Variants in MGAM observed in about 807,000 individuals in gnomAD.
The protein encoded by MGAM is maltase-glucoamylase, also known as alpha-1,4-glucosidase.
MGAM carries 253 observed loss-of-function variants against 358.8 expected under a neutral mutation model. That is an observed-to-expected ratio of 0.71 (90% CI 0.64 to 0.78). The LOEUF (loss-of-function observed/expected upper bound fraction) is 0.78. Ranked by LOEUF, MGAM falls within the 30% of genes least tolerant of loss-of-function variation. The probability of loss-of-function intolerance (pLI) is 0.00; values close to 1 mark genes in which losing one functional copy is unlikely to be tolerated. For missense variants in MGAM, 3,080 were observed against 3,432.6 expected (o/e 0.90, Z 2.57); for synonymous variants, 1,105 against 1,227.1 (o/e 0.90, Z 2.08).
At chr7:142,012,248 C>T (rs1229686681) in intron 3 of MGAM, among the ~76,000 whole-genome samples, 5 of 152,076 alleles carry the variant, frequency 3.3e-5, no homozygotes, top group Admixed American at 6.6e-5. Flanking sequence ...AGTAATTTAT[C>T]AAACACAGAA....
At chr7:142,057,599 ATGG>A (rs999442162) in intron 30 of MGAM, among the ~76,000 whole-genome samples, 7 of 118,002 alleles carry the variant, frequency 5.9e-5, no homozygotes, top group African/African-American at 1.7e-4. Flanking sequence ...GATAATGGTA[ATGG>A]TGGTGGGGGC....
At chr7:142,019,995 G>A (rs1806287661) in intron 4 of MGAM, among the ~76,000 whole-genome samples, 1 of 151,996 alleles carries the variant, frequency 6.6e-6, no homozygotes, top group Non-Finnish European at 1.5e-5. Context: ...CCTGAACCCA[G>A]GAGGCAGAGG....
rs572521536 is a variant in MGAM at position 142,103,547 on chromosome 7, G to A, written c.8184+108G>A. 29 of 1,114,944 alleles carry A rather than the reference G, an allele frequency of 2.6e-5. No individual in the cohort carries two copies. The South Asian group carries it at 5.3e-4, about 20-fold the overall frequency. The allele number at this position is 1,114,944 out of a possible 1,614,324, so 69.1% of individuals were successfully genotyped here. A position where few individuals can be genotyped will look rare whatever the true frequency, so the allele number is the denominator to read the frequency against. On this transcript the variant is annotated intron_variant, in intron 70 of 70. Transcript: ENST00000475668. Reference sequence around the variant, plus strand: ...GATGCCCTCTCCTGCCAGGCCCTCCGGGAATCCCTGAGTTTTCCATGTGTT... The same window carrying A: ...GATGCCCTCTCCTGCCAGGCCCTCCAGGAATCCCTGAGTTTTCCATGTGTT...
chr7:142,048,489 T>C, intron 22 of MGAM, among the ~76,000 whole-genome samples: 1 of 53,690 alleles, frequency 1.9e-5, no homozygotes, highest in African/African-American at 3.6e-5. Context: ...TTAGAAGAGA[T>C]GGTTTCAAGA....
rs1008760227 is a variant in MGAM, at chr7:142,088,574, A to G, written c.6810+1857A>G. On this transcript the variant is annotated intron_variant, in intron 57 of 70. Coordinates refer to ENST00000475668, the MANE Select transcript of MGAM (RefSeq NM_001365693.1). ...CCATCCATCCTCTATCTATCTATCTATCATCTACCTCATCTATCTATATCT... is the reference window on the plus strand; with the variant it reads ...CCATCCATCCTCTATCTATCTATCTGTCATCTACCTCATCTATCTATATCT... 1.5e-4 allele frequency among the ~76,000 whole-genome samples: 19 copies of G among 127,234 alleles called. 2 individuals carry two copies. The highest frequency in any genetic ancestry group is 5.4e-4 in the Admixed American group (7 of 12,964). 83.5% of individuals were successfully genotyped at this position (127,234 alleles called of 152,430 possible).
In MGAM at chr7:142,036,919, A is replaced by G; in HGVS notation, c.2173A>G (p.Thr725Ala). 1 of 1,613,062 alleles carries G rather than the reference A, an allele frequency of 6.2e-7. No homozygotes were observed. The highest frequency in any genetic ancestry group is 8.5e-7 in the Non-Finnish European group (1 of 1,179,500). Residue 725 changes from threonine (T) to alanine (A), a missense_variant, in exon 18 of 71, where the codon ACC becomes GCC. Coordinates refer to ENST00000475668, the MANE Select transcript of MGAM (RefSeq NM_001365693.1). ...IRYTLLPYLYTLFFRAHSRGD... is the reference protein window; with the variant it reads ...IRYTLLPYLYALFFRAHSRGD... ...CTATACTCTATTGCCCTACCTATAC[A>G]CCCTCTTCTTCCGTGCTCACAGCCG...
Position 142,040,165 on chromosome 7 carries a change from C to T in MGAM, c.2367C>T (p.Tyr789=), listed in dbSNP as rs371423578. The part of the protein sequence containing the change: ...AYVPDAVWYD[Y]ETGSQVRWRK... ...TGCCTGATGCTGTCTGGTATGACTACGAGACTGTAAGTAGCTTTGACTTTT... is the reference window on the plus strand; with the variant it reads ...TGCCTGATGCTGTCTGGTATGACTATGAGACTGTAAGTAGCTTTGACTTTT... The change falls in exon 20 of 71, where the codon TAC becomes TAT. Residue 789 remains tyrosine (Y), a synonymous_variant. Transcript: ENST00000475668. 3.8e-5 allele frequency: 62 copies of T among 1,611,262 alleles called. No individual in the cohort carries two copies. Among genetic ancestry groups the T allele is most frequent in the Middle Eastern group, 1.6e-4 (1 of 6,080 alleles).
chr7:142,095,674 ACACGGAGGGCGT>A lies in MGAM; in HGVS notation c.7572_7583del (p.Glu2525_Thr2528del). The A allele has an allele frequency of 1.2e-6, 2 of 1,613,986 alleles. No homozygotes were observed. On this transcript the variant is annotated inframe_deletion, in exon 64 of 71. Coordinates refer to ENST00000475668, the MANE Select transcript of MGAM (RefSeq NM_001365693.1). Reference sequence around the variant, plus strand: ...CTGTATACCTTGATGCATAAGGCCCACACGGAGGGCGTCACTGTTGTGCGGCCTCTGCTCCAT... The same window carrying A: ...CTGTATACCTTGATGCATAAGGCCCACACTGTTGTGCGGCCTCTGCTCCAT...
rs543986196 is a variant in MGAM, at chr7:142,091,125, T to G, written c.6811-788T>G. On this transcript the variant is annotated intron_variant, in intron 57 of 70. Transcript: ENST00000475668. ...AGCCAGGTGTAGTGGTGTGTGCCTGTAATCCCAGCTACTCAGGAGGCTGAG... is the reference window on the plus strand; with the variant it reads ...AGCCAGGTGTAGTGGTGTGTGCCTGGAATCCCAGCTACTCAGGAGGCTGAG... 2.8e-5 allele frequency among the ~76,000 whole-genome samples: 4 copies of G among 144,222 alleles called. 1 individual carries two copies. The South Asian group carries it at 9.0e-4, about 32-fold the overall frequency. 94.6% of individuals were successfully genotyped at this position (144,222 alleles called of 152,430 possible).
chr7:142,086,965 C>T lies in MGAM; in HGVS notation c.6810+248C>T, dbSNP rs1225423682. On this transcript the variant is annotated intron_variant, in intron 57 of 70. Coordinates refer to ENST00000475668, the MANE Select transcript of MGAM (RefSeq NM_001365693.1). ...CCAGAGAGCTCAGATGACTTGTCCA[C>T]GGTTTTAGGTGACAGAGTGTTGATT... Among the ~76,000 whole-genome samples the T allele has an allele frequency of 2.0e-5, 2 of 98,528 alleles. 1 individual carries two copies. The highest frequency in any genetic ancestry group is 8.5e-5 in the African/African-American group (2 of 23,642). 64.6% of individuals were successfully genotyped at this position (98,528 alleles called of 152,430 possible). A position where few individuals can be genotyped will look rare whatever the true frequency, so the allele number is the denominator to read the frequency against.
chr7:142,053,313 G>A (rs542085208), intron 26 of MGAM, among the ~76,000 whole-genome samples: 57 of 152,194 alleles, frequency 3.7e-4, no homozygotes, highest in African/African-American at 8.4e-4. Context: ...CAGTGGACCC[G>A]TCTGAGGTTG....
chr7:142,018,429 A>T (rs1806141386), intron 3 of MGAM, among the ~76,000 whole-genome samples: 1 of 152,194 alleles, frequency 6.6e-6, no homozygotes, highest in Non-Finnish European at 1.5e-5. Context: ...TCTTTCTGTG[A>T]TCTAATCTTG....
chr7:142,007,446 T>A (rs1045904456), intron 2 of MGAM, among the ~76,000 whole-genome samples: 20 of 152,064 alleles, frequency 1.3e-4, no homozygotes, highest in Non-Finnish European at 2.5e-4. Flanking sequence ...ACCCCATCCC[T>A]TGTTACAACA....
At chr7:142,052,178 G>A in intron 24 of MGAM, 116 bp from the exon 25 acceptor site, 1 of 859,244 alleles carries the variant, frequency 1.2e-6, no homozygotes, top group East Asian at 2.7e-5. Flanking sequence ...TATGTTGCTT[G>A]GATGTTTGAA....
rs782799067 is a variant in MGAM, at chr7:142,036,305, G to A, written c.2076+20G>A. 1.9e-6 allele frequency: 3 copies of A among 1,558,932 alleles called. No homozygotes were observed. In the Admixed American group the frequency reaches 5.5e-5, roughly 29 times the overall value. On this transcript the variant is annotated intron_variant, in intron 17 of 70. Coordinates refer to ENST00000475668, the MANE Select transcript of MGAM (RefSeq NM_001365693.1). ...TACAAGGTAAGGCTCCTAGGACATA[G>A]AGTCAGAATAAATTTGGCATACATT...
chr7:142,043,069 T>A (rs1298576159), intron 21 of MGAM, among the ~76,000 whole-genome samples: 60 of 73,618 alleles, frequency 8.2e-4, no homozygotes, highest in African/African-American at 3.9e-3. Context: ...TATATACATA[T>A]AATATCTAAA....
rs1554453230 is a variant in MGAM at position 142,008,531 on chromosome 7, C to T, written c.153C>T (p.Thr51=). Residue 51 remains threonine (T), a synonymous_variant, in exon 3 of 71, where the codon ACC becomes ACT. Transcript: ENST00000475668. ...STAPDPGTTG[T]PDPGTTGTPD... is the part of the protein sequence containing the mutation. Reference sequence around the variant, plus strand: ...CCCCAGATCCTGGGACAACTGGTACCCCAGATCCTGGGACAACTGGTACCC... The same window carrying T: ...CCCCAGATCCTGGGACAACTGGTACTCCAGATCCTGGGACAACTGGTACCC... The T allele has an allele frequency of 1.9e-6, 3 of 1,612,316 alleles. No homozygotes were observed. In the African/African-American group the frequency reaches 4.0e-5, roughly 22 times the overall value.
At chr7:142,077,251 T>C (rs111486953) in intron 47 of MGAM, among the ~76,000 whole-genome samples, 1 of 145,432 alleles carries the variant, frequency 6.9e-6, no homozygotes, top group African/African-American at 2.4e-5. Context: ...GCTTTGGAGG[T>C]CTTAGTTACC....
In MGAM at chr7:142,062,626, G is replaced by A. The variant is rs778209488; in HGVS notation, c.4181G>A (p.Trp1394Ter). 4.3e-6 allele frequency: 7 copies of A among 1,612,506 alleles called. No homozygotes were observed. The highest frequency in any genetic ancestry group is 3.3e-5 in the South Asian group (3 of 90,972). Residue 1394 changes from tryptophan (W) to a stop codon, truncating the protein, a stop_gained, in exon 35 of 71, where the codon TGG becomes TAG. Transcript: ENST00000475668. LOFTEE classifies it high-confidence loss of function. ...DFFRNSTAKWWKREIEELYNN... is the reference protein window; with the variant it reads ...DFFRNSTAKW Reference sequence around the variant, plus strand: ...TTCCGTAATTCAACTGCCAAGTGGTGGAAGAGGGAAATAGAAGAACTATAC... The same window carrying A: ...TTCCGTAATTCAACTGCCAAGTGGTAGAAGAGGGAAATAGAAGAACTATAC...
Sources: gnomAD v4.1 joint callset for allele counts (sites outside exome capture counted in the v4.1 genomes callset) on GRCh38, gnomAD v4.1.1 for gene constraint, MANE v1.5 for transcripts, NCBI Gene and HGNC (gene_info 2026-07-23, HGNC 2026-07-21) for gene names.